Variants in GABRA4 observed in about 807,000 individuals in gnomAD.
GABRA4 encodes gamma-aminobutyric acid receptor subunit alpha-4.
In GABRA4, 12 loss-of-function variants were observed where a neutral mutation model predicts 49.7. That is an observed-to-expected ratio of 0.24 (90% confidence interval 0.15 to 0.39). GABRA4 has a LOEUF of 0.39. Ranked by LOEUF, GABRA4 falls within the 10% of genes least tolerant of loss-of-function variation. The pLI, the probability that GABRA4 is intolerant of heterozygous loss-of-function variation, is 1.00. For missense variants in GABRA4, 506 were observed against 686.0 expected (o/e 0.74, Z 2.93); for synonymous variants, 288 against 240.2 (o/e 1.20, Z -1.84).
intron 2 of GABRA4, among the ~76,000 whole-genome samples, chr4:46,987,069 C>T (rs550471343): frequency 6.6e-6 from 1 of 152,126 alleles, no homozygotes; most frequent in Admixed American, 6.5e-5. Context: ...TAGTTCAGGA[C>T]TTGTCCCTGC....
chr4:46,927,090 T>G lies in GABRA4; in HGVS notation c.*1135A>C, dbSNP rs577696334. ...TGTGCTCAGTTCCTATGTCTGATGATTCTGTGATTCTGATCAAATTCTACT... is the reference window on the plus strand; with the variant it reads ...TGTGCTCAGTTCCTATGTCTGATGAGTCTGTGATTCTGATCAAATTCTACT... On this transcript the variant is annotated 3_prime_UTR_variant, in exon 9 of 9. Transcript: ENST00000264318. The G allele has an allele frequency of 1.3e-5, 2 of 152,112 alleles. No individual in the cohort carries two copies. Among genetic ancestry groups the G allele is most frequent in the South Asian group, 4.1e-4 (2 of 4,828 alleles). 9.4% of individuals were successfully genotyped at this position (152,112 alleles called of 1,614,324 possible).
intron 8 of GABRA4, among the ~76,000 whole-genome samples, chr4:46,933,623 T>C (rs1260505137): frequency 1.3e-5 from 2 of 152,130 alleles, no homozygotes; most frequent in Non-Finnish European, 2.9e-5. Context: ...ACAAAAGGAA[T>C]AAGGTATCTG....
intron 8 of GABRA4, among the ~76,000 whole-genome samples, chr4:46,929,063 A>C (rs1050712703): frequency 6.6e-6 from 1 of 152,052 alleles, no homozygotes; most frequent in African/African-American, 2.4e-5. Flanking sequence ...GCTTAATTGC[A>C]TTTTAAGAGT....
At chr4:46,933,508 A>C (rs1721511724) in intron 8 of GABRA4, among the ~76,000 whole-genome samples, 1 of 152,174 alleles carries the variant, frequency 6.6e-6, no homozygotes, top group Non-Finnish European at 1.5e-5. Flanking sequence ...TTGAGGCTTA[A>C]ATCATTGCTC....
intron 8 of GABRA4, among the ~76,000 whole-genome samples, chr4:46,933,047 G>T (rs954063947): frequency 1.3e-5 from 2 of 152,094 alleles, no homozygotes; most frequent in African/African-American, 2.4e-5. Context: ...TCAGTCTAAG[G>T]TGGTTAGAAA....
At chr4:46,967,496 G>A (rs766928225) in intron 7 of GABRA4, among the ~76,000 whole-genome samples, 3 of 151,526 alleles carry the variant, frequency 2.0e-5, no homozygotes, top group Non-Finnish European at 3.0e-5. Flanking sequence ...CATAAATTCA[G>A]TAATTACTTT....
At chr4:46,988,408 A>C (rs1221628269) in intron 2 of GABRA4, among the ~76,000 whole-genome samples, 1 of 152,216 alleles carries the variant, frequency 6.6e-6, no homozygotes, top group Non-Finnish European at 1.5e-5. Context: ...GAATGAATGA[A>C]AGAATGGGAC....
chr4:46,940,618 A>G (rs199670373), intron 8 of GABRA4, among the ~76,000 whole-genome samples: 1 of 152,092 alleles, frequency 6.6e-6, no homozygotes, highest in East Asian at 1.9e-4. Context: ...AACACGATTC[A>G]TTACAAATCT....
At chr4:46,969,490 T>C (rs1722876407) in intron 7 of GABRA4, among the ~76,000 whole-genome samples, 1 of 151,528 alleles carries the variant, frequency 6.6e-6, no homozygotes. Flanking sequence ...AATGAGATAA[T>C]GAACATCAAG....
chr4:46,952,844 TA>T (rs1722218991), intron 8 of GABRA4, among the ~76,000 whole-genome samples: 1 of 152,036 alleles, frequency 6.6e-6, no homozygotes, highest in Non-Finnish European at 1.5e-5. Flanking sequence ...AAAAAGATTA[TA>T]AAATAAATAA....
Position 46,950,891 on chromosome 4 carries a change from G to C in GABRA4, c.1134+14079C>G, listed in dbSNP as rs1329991421. On this transcript the variant is annotated intron_variant, in intron 8 of 8. Coordinates refer to ENST00000264318, the MANE Select transcript of GABRA4 (RefSeq NM_000809.4). The stretch of plus-strand genomic sequence containing the variant: ...CAAGCTAGCCCTCAGAAGAGTATCT[G>C]ATTATTATTAGAGCAGGCGAGTATT... Among the ~76,000 whole-genome samples the C allele has an allele frequency of 4.0e-5, 6 of 151,876 alleles. No homozygotes were observed. In the Admixed American group the frequency reaches 4.0e-4, roughly 10 times the overall value.
intron 8 of GABRA4, among the ~76,000 whole-genome samples, chr4:46,941,999 G>T (rs1034207673): frequency 1.3e-5 from 2 of 152,030 alleles, no homozygotes; most frequent in East Asian, 1.9e-4. Flanking sequence ...TTTATTTTGG[G>T]TTATAAATAA....
intron 2 of GABRA4, among the ~76,000 whole-genome samples, chr4:46,991,637 C>T (rs1334987691): frequency 6.6e-6 from 1 of 152,122 alleles, no homozygotes; most frequent in Non-Finnish European, 1.5e-5. Flanking sequence ...GATACCATCC[C>T]CATCTGCACG....
intron 8 of GABRA4, among the ~76,000 whole-genome samples, chr4:46,954,556 CAAA>C (rs60422399): frequency 1.8e-4 from 16 of 88,818 alleles, no homozygotes; most frequent in Non-Finnish European, 1.5e-4. Context: ...AAACGCCATC[CAAA>C]AAAAAAAAAA....
chr4:46,981,534 G>A (rs892491190), intron 2 of GABRA4, among the ~76,000 whole-genome samples: 1 of 151,998 alleles, frequency 6.6e-6, no homozygotes, highest in Admixed American at 6.6e-5. Flanking sequence ...GATTGTAAAG[G>A]GATTTCCTTC....
At chr4:46,940,229 A>T (rs1239315199) in intron 8 of GABRA4, among the ~76,000 whole-genome samples, 1 of 152,104 alleles carries the variant, frequency 6.6e-6, no homozygotes, top group Admixed American at 6.6e-5. Flanking sequence ...AAAGCTATTT[A>T]AAAATTTACT....
intron 8 of GABRA4, among the ~76,000 whole-genome samples, chr4:46,940,775 T>C (rs530414908): frequency 2.0e-5 from 3 of 151,796 alleles, no homozygotes; most frequent in Non-Finnish European, 2.9e-5. Context: ...TTGGCTGTTT[T>C]CCAGAAAATA....
chr4:46,984,044 T>G lies in GABRA4; in HGVS notation c.206-4946A>C, dbSNP rs1294100737. Among the ~76,000 whole-genome samples, 3 of 152,068 alleles carry G rather than the reference T, an allele frequency of 2.0e-5. No homozygotes were observed. In the East Asian group the frequency reaches 5.8e-4, roughly 29 times the overall value. On this transcript the variant is annotated intron_variant, in intron 2 of 8. Transcript: ENST00000264318. ...GGCAATTAACGATGAATCAGATAAT[T>G]TCCCAGTTTACTTAACTTTAGCAGT...
intron 8 of GABRA4, among the ~76,000 whole-genome samples, chr4:46,942,915 T>C (rs574483481): frequency 6.6e-6 from 1 of 152,026 alleles, no homozygotes; most frequent in East Asian, 1.9e-4. Context: ...CAATGTCTTC[T>C]CCCCCCAATT....
Sources: gnomAD v4.1 joint callset for allele counts (sites outside exome capture counted in the v4.1 genomes callset) on GRCh38, gnomAD v4.1.1 for gene constraint, MANE v1.5 for transcripts, NCBI Gene and HGNC (gene_info 2026-07-23, HGNC 2026-07-21) for gene names.